Variants in SNRK observed in about 807,000 individuals in gnomAD.
SNRK encodes SNF related kinase.
A neutral mutation model predicts 48.2 loss-of-function variants in SNRK; 3 were observed. The ratio of observed to expected loss-of-function variants is 0.06; its 90% CI spans 0.03 to 0.16. SNRK has a LOEUF of 0.16. Ranked by LOEUF, SNRK falls within the 10% of genes least tolerant of loss-of-function variation. SNRK has a pLI of 1.00. For synonymous variants in SNRK, 376 were observed against 366.1 expected (o/e 1.03, Z -0.31); for missense variants, 627 against 976.0 (o/e 0.64, Z 4.76).
chr3:43,310,821 T>G (rs989811108), intron 3 of SNRK, among the ~76,000 whole-genome samples: 7 of 152,130 alleles, frequency 4.6e-5, no homozygotes, highest in African/African-American at 1.4e-4. Context: ...GCATATTTTG[T>G]TTTTTTTATT....
chr3:43,348,175 G>A lies in SNRK; in HGVS notation c.1916G>A (p.Ser639Asn). Reference protein sequence around the residue: ...PSNSMQLASRSAGELVESLKL... With the variant: ...PSNSMQLASRNAGELVESLKL... The stretch of plus-strand genomic sequence containing the variant: ...AACTCCATGCAGCTGGCCTCTCGCA[G>A]TGCTGGGGAGCTCGTTGAGAGCCTC... Residue 639 changes from serine (S) to asparagine (N), a missense_variant, in exon 7 of 7, where the codon AGT becomes AAT. Transcript: ENST00000296088. The A allele has an allele frequency of 6.3e-7, 1 of 1,596,658 alleles. No homozygotes were observed. Among genetic ancestry groups the A allele is most frequent in the Non-Finnish European group, 8.5e-7 (1 of 1,171,952 alleles).
intron 1 of SNRK, among the ~76,000 whole-genome samples, chr3:43,289,143 A>T (rs569444374): frequency 4.6e-5 from 7 of 152,304 alleles, no homozygotes; most frequent in African/African-American, 1.7e-4. Context: ...GGTGAGGCAT[A>T]GGGAAAAACC....
chr3:43,314,888 T>A (rs1329667359), intron 3 of SNRK: 2 of 151,962 alleles, frequency 1.3e-5, no homozygotes, highest in Admixed American at 1.3e-4. Context: ...AAAAAAAATT[T>A]TTAAAAAAAG....
intron 3 of SNRK, among the ~76,000 whole-genome samples, chr3:43,313,001 T>C (rs1011353838): frequency 1.3e-5 from 2 of 152,216 alleles, no homozygotes; most frequent in South Asian, 4.1e-4. Context: ...ATGTTTAACA[T>C]AATTCCTATC....
intron 3 of SNRK, among the ~76,000 whole-genome samples, chr3:43,308,803 C>G (rs191109300): frequency 6.6e-6 from 1 of 152,306 alleles, no homozygotes; most frequent in Non-Finnish European, 1.5e-5. Flanking sequence ...CAAGTCTTTA[C>G]TATTTAAGAA....
At chr3:43,316,762 C>T (rs1394981258) in intron 3 of SNRK, among the ~76,000 whole-genome samples, 1 of 151,374 alleles carries the variant, frequency 6.6e-6, no homozygotes, top group African/African-American at 2.4e-5. Flanking sequence ...TCAAGCTAGA[C>T]CCCCCTCCCC....
intron 3 of SNRK, among the ~76,000 whole-genome samples, chr3:43,306,056 A>T (rs1014120597): frequency 1.3e-5 from 2 of 152,180 alleles, no homozygotes; most frequent in African/African-American, 2.4e-5. Flanking sequence ...AAAAGCTATT[A>T]AAAAAGGAAA....
intron 3 of SNRK, among the ~76,000 whole-genome samples, chr3:43,328,066 A>G (rs1046841007): frequency 6.6e-6 from 1 of 151,896 alleles, no homozygotes. Context: ...TACACTTCAG[A>G]TAGTTGTATC....
intron 3 of SNRK, among the ~76,000 whole-genome samples, chr3:43,327,807 G>A (rs1425353929): frequency 6.6e-6 from 1 of 152,126 alleles, no homozygotes; most frequent in Non-Finnish European, 1.5e-5. Context: ...CCTGCTGAGT[G>A]TTAGCCAGAT....
chr3:43,293,199 C>T (rs141357197), intron 1 of SNRK, among the ~76,000 whole-genome samples: 1 of 152,156 alleles, frequency 6.6e-6, no homozygotes, highest in Non-Finnish European at 1.5e-5. Context: ...GATTCTTGAG[C>T]TCCGGTGATC....
chr3:43,311,258 C>T (rs1348368186), intron 3 of SNRK, among the ~76,000 whole-genome samples: 1 of 152,076 alleles, frequency 6.6e-6, no homozygotes, highest in Non-Finnish European at 1.5e-5. Flanking sequence ...GAAATTAGTC[C>T]TCAGTTAATC....
Position 43,348,286 on chromosome 3 carries a change from G to C in SNRK, c.2027G>C (p.Ser676Thr). 6.2e-7 allele frequency: 1 copy of C among 1,614,104 alleles called. No individual in the cohort carries two copies. Among genetic ancestry groups the C allele is most frequent in the South Asian group, 1.1e-5 (1 of 91,074 alleles). The change falls in exon 7 of 7, where the codon AGT becomes ACT. Residue 676 changes from serine to threonine, a missense_variant. This residue lies in a region of SNRK where 207 missense variants were observed against 234.3 expected (regional missense o/e 0.88). Transcript: ENST00000296088. ...IDPQNGLSFS[S>T]VKVQEKSTWK... ...CCACAGAATGGCTTGTCATTTTCCA[G>C]TGTGAAAGTCCAAGAGAAATCTACG...
At chr3:43,301,877 G>A (rs73831245) in intron 2 of SNRK, among the ~76,000 whole-genome samples, 3,589 of 152,216 alleles carry the variant, frequency 0.024, 151 homozygotes, top group African/African-American at 0.081. Flanking sequence ...ACAAAAGTGA[G>A]GGTTCAGCCT....
At chr3:43,294,725 GT>G (rs113950436) in intron 1 of SNRK, among the ~76,000 whole-genome samples, 3,732 of 141,576 alleles carry the variant, frequency 0.026, 154 homozygotes, top group African/African-American at 0.088. Flanking sequence ...TTATTGATTA[GT>G]TTTTTTTTTT....
intron 3 of SNRK, among the ~76,000 whole-genome samples, chr3:43,310,178 A>T (rs1007328953): frequency 2.0e-5 from 3 of 151,444 alleles, no homozygotes; most frequent in East Asian, 1.9e-4. Context: ...AGGTGGATTT[A>T]ATTTATTTAT....
intron 3 of SNRK, among the ~76,000 whole-genome samples, chr3:43,327,138 C>T (rs2091102801): frequency 6.6e-6 from 1 of 152,166 alleles, no homozygotes. Flanking sequence ...TCTTTAGTAA[C>T]CAAAGCTCTA....
intron 3 of SNRK, chr3:43,314,931 A>G (rs577668966): frequency 2.1e-4 from 32 of 152,250 alleles, no homozygotes; most frequent in African/African-American, 6.5e-4. Context: ...TCTTTGGTTT[A>G]TAAATAATCT....
At chr3:43,301,123 TTTA>T (rs1199116480) in intron 2 of SNRK, among the ~76,000 whole-genome samples, 4 of 152,262 alleles carry the variant, frequency 2.6e-5, no homozygotes, top group African/African-American at 9.6e-5. Context: ...GGTAGTGCTA[TTTA>T]TTATTACAAT....
At chr3:43,339,834 T>TGTTAC in intron 4 of SNRK, among the ~76,000 whole-genome samples, 1 of 24,566 alleles carries the variant, frequency 4.1e-5, no homozygotes, top group Non-Finnish European at 9.5e-5. Context: ...TATATATATA[T>TGTTAC]ATATATATAT....
Sources: gnomAD v4.1 joint callset for allele counts (sites outside exome capture counted in the v4.1 genomes callset) on GRCh38, gnomAD v4.1.1 for gene constraint, gnomAD v4.1.1 regional missense constraint, MANE v1.5 for transcripts, NCBI Gene and HGNC (gene_info 2026-07-23, HGNC 2026-07-21) for gene names.